The following CUX1 variants were observed in gnomAD, a reference collection of about 807,000 sequenced individuals.
CUX1 encodes the protein protein CASP.
Under a neutral mutation model 158.8 loss-of-function variants are expected in CUX1, and 31 were observed. The observed-to-expected ratio is 0.20, with a 90% CI of 0.15 to 0.26. CUX1 has a LOEUF of 0.26. CUX1 is among the 10% of genes least tolerant of loss of function. CUX1 has a pLI of 1.00. For missense variants in CUX1, 1,589 were observed against 2,014.6 expected, an observed-to-expected ratio of 0.79 and a Z score of 4.04; for synonymous variants, 879 against 862.1, an observed-to-expected ratio of 1.02 and a Z score of -0.34.
intron 4 of CUX1, among the ~76,000 whole-genome samples, chr7:102,090,790 G>T (rs370987858): frequency 6.6e-6 from 1 of 151,658 alleles, no homozygotes; most frequent in African/African-American, 2.4e-5. Flanking sequence ...TCAGATTTGA[G>T]TTGGTAAATA....
rs532956000 is a variant in CUX1 at position 102,189,879 on chromosome 7, C to T, written c.1076+8C>T. 6.2e-6 allele frequency: 10 copies of T among 1,614,122 alleles called. No individual in the cohort carries two copies. The African/African-American group carries it at 6.7e-5, about 11-fold the overall frequency. On this transcript the variant is annotated splice_region_variant and intron_variant, in intron 12 of 23. Transcript: ENST00000292535. The stretch of plus-strand genomic sequence containing the variant: ...GGTGAAGAAAGAGCTGAAGTAAGTA[C>T]GGAGAGCCCTGTGGCCCCTCACACG...
intron 6 of CUX1, among the ~76,000 whole-genome samples, chr7:102,107,253 AAG>A: frequency 6.6e-6 from 1 of 151,794 alleles, no homozygotes; most frequent in South Asian, 2.1e-4. Context: ...AAGAAAAGAA[AAG>A]AGGCTGGGCG....
intron 2 of CUX1, among the ~76,000 whole-genome samples, chr7:101,991,278 A>G (rs1815086575): frequency 6.6e-6 from 1 of 152,260 alleles, no homozygotes; most frequent in African/African-American, 2.4e-5. Flanking sequence ...TGGGCAGCAT[A>G]GCGGATGAGT....
At chr7:102,274,207 G>T (rs1791429902) in intron 15 of CUX1, 2 of 1,591,588 alleles carry the variant, frequency 1.3e-6, no homozygotes, top group Non-Finnish European at 1.7e-6. Flanking sequence ...TGCCCATTGT[G>T]CGGAGGCACC....
chr7:102,024,271 C>G (rs571300541), intron 2 of CUX1, among the ~76,000 whole-genome samples: 1 of 152,336 alleles, frequency 6.6e-6, no homozygotes, highest in South Asian at 2.1e-4. Context: ...CTTTCTCATT[C>G]CATGACCTCA....
rs1789737419 is a variant in CUX1 at position 102,255,032 on chromosome 7, G to T, written c.*5990G>T. 2 of 985,420 alleles carry T rather than the reference G, an allele frequency of 2.0e-6. No individual in the cohort carries two copies. Among genetic ancestry groups the T allele is most frequent in the Non-Finnish European group, 2.4e-6 (2 of 830,054 alleles). 61.0% of individuals were successfully genotyped at this position (985,420 alleles called of 1,614,324 possible). A position where few individuals can be genotyped will look rare whatever the true frequency, so the allele number is the denominator to read the frequency against. Reference sequence around the variant, plus strand: ...CTTAATCAGGACGGAAGAGGAGGGGGTGTGGGGGGCAGAGCGTAAAACAAG... The same window carrying T: ...CTTAATCAGGACGGAAGAGGAGGGGTTGTGGGGGGCAGAGCGTAAAACAAG... On this transcript the variant is annotated 3_prime_UTR_variant, in exon 24 of 24. Transcript: ENST00000292535.
chr7:101,942,565 C>T (rs1174528820), intron 2 of CUX1, among the ~76,000 whole-genome samples: 2 of 152,012 alleles, frequency 1.3e-5, no homozygotes, highest in African/African-American at 2.4e-5. Flanking sequence ...TGGGCTTCAG[C>T]GATCCTCCCA....
chr7:102,273,320 G>A (rs1563524464), intron 14 of CUX1: 1 of 1,597,852 alleles, frequency 6.3e-7, no homozygotes, highest in South Asian at 1.1e-5. Context: ...GGCACCAAGG[G>A]TCCCACCAGG....
chr7:102,126,559 C>T (rs573333981), intron 8 of CUX1, among the ~76,000 whole-genome samples: 1 of 152,074 alleles, frequency 6.6e-6, no homozygotes, highest in East Asian at 1.9e-4. Context: ...TTGTAAATAC[C>T]TTAAGTCTAA....
chr7:102,104,339 T>G lies in CUX1; in HGVS notation c.410T>G (p.Val137Gly). The G allele has an allele frequency of 1.9e-6, 3 of 1,602,848 alleles. No individual in the cohort carries two copies. The highest frequency in any genetic ancestry group is 2.5e-6 in the Non-Finnish European group (3 of 1,177,440). The change falls in exon 6 of 24, where the codon GTT becomes GGT. Residue 137 changes from valine to glycine, a missense_variant. Val to Gly is a moderately radical substitution (Grantham distance 109). Coordinates refer to ENST00000292535, the MANE Select transcript of CUX1 (RefSeq NM_181552.4). ...TTTTTTTTTTTCTTTTCTGCAGAGG[T>G]TACGATAAAAGCACTTAAAGAGAAA... The part of the protein sequence containing the change: ...KEFAEVKNQE[V>G]TIKALKEKIR...
chr7:102,113,100 T>C (rs1432431500), intron 7 of CUX1, among the ~76,000 whole-genome samples: 1 of 152,122 alleles, frequency 6.6e-6, no homozygotes, highest in Non-Finnish European at 1.5e-5. Context: ...GCAAGGGATA[T>C]GAACAGTCAG....
At chr7:102,119,568 T>C (rs1309403196) in intron 8 of CUX1, among the ~76,000 whole-genome samples, 1 of 152,266 alleles carries the variant, frequency 6.6e-6, no homozygotes, top group Non-Finnish European at 1.5e-5. Context: ...TAATGCAAGA[T>C]TCCTTAGACA....
chr7:101,966,755 G>A (rs1811268760), intron 2 of CUX1, among the ~76,000 whole-genome samples: 1 of 152,132 alleles, frequency 6.6e-6, no homozygotes, highest in Admixed American at 6.5e-5. Context: ...GTTACCCACG[G>A]TCTGTATCTC....
intron 22 of CUX1, among the ~76,000 whole-genome samples, chr7:102,237,312 C>T (rs570397049): frequency 1.6e-4 from 24 of 152,042 alleles, no homozygotes; most frequent in Admixed American, 1.4e-3. Flanking sequence ...GCTGCAGCCT[C>T]GGTGTTCTGG....
chr7:102,271,768 G>A (rs138994242), intron 14 of CUX1, among the ~76,000 whole-genome samples: 27 of 152,346 alleles, frequency 1.8e-4, no homozygotes, highest in African/African-American at 6.0e-4. Context: ...GGTGGCTCAC[G>A]CCTGTAATCC....
At chr7:101,900,743 T>C (rs960637566) in intron 1 of CUX1, among the ~76,000 whole-genome samples, 2 of 151,982 alleles carry the variant, frequency 1.3e-5, no homozygotes, top group Non-Finnish European at 2.9e-5. Context: ...GCCACAGCTG[T>C]GATTCAGAAG....
chr7:102,114,587 C>G (rs1831254836), intron 7 of CUX1, among the ~76,000 whole-genome samples: 1 of 152,206 alleles, frequency 6.6e-6, no homozygotes, highest in South Asian at 2.1e-4. Context: ...CACCTTAAAA[C>G]ATGAAATCAT....
At position 102,257,513 on chromosome 7, in the gene CUX1, G is replaced by T; in HGVS notation, c.*8471G>T. 1 of 985,268 alleles carries T rather than the reference G, an allele frequency of 1.0e-6. No individual in the cohort carries two copies. Among genetic ancestry groups the T allele is most frequent in the Non-Finnish European group, 1.2e-6 (1 of 829,898 alleles). The allele number at this position is 985,268 out of a possible 1,614,324, so 61.0% of individuals were successfully genotyped here. ...TAGCTTGTTATAAAATAAAAGTGGG[G>T]GTAAAAAGAAGGTGGTTTTCCCCAC... On this transcript the variant is annotated 3_prime_UTR_variant, in exon 24 of 24. Coordinates refer to ENST00000292535, the MANE Select transcript of CUX1 (RefSeq NM_181552.4).
intron 8 of CUX1, among the ~76,000 whole-genome samples, chr7:102,146,043 A>G (rs1388782472): frequency 6.6e-6 from 1 of 152,100 alleles, no homozygotes; most frequent in Non-Finnish European, 1.5e-5. Flanking sequence ...GTAGACCACA[A>G]TTTTCCTAAT....
Sources: gnomAD v4.1 joint callset for allele counts (sites outside exome capture counted in the v4.1 genomes callset) on GRCh38, gnomAD v4.1.1 for gene constraint, MANE v1.5 for transcripts, NCBI Gene and HGNC (gene_info 2026-07-23, HGNC 2026-07-21) for gene names.